Variants in PPM1E observed in about 807,000 individuals in gnomAD.
PPM1E encodes the protein protein phosphatase, Mg2+/Mn2+ dependent 1E, also known as protein phosphatase 1E.
PPM1E carries 20 observed loss-of-function variants against 65.9 expected under a neutral mutation model. The observed-to-expected ratio is 0.30, with a 90% CI of 0.21 to 0.44. PPM1E has a LOEUF of 0.44. Among genes scored for constraint, PPM1E ranks in the 20% least tolerant of loss-of-function variants. The pLI, the probability that PPM1E is intolerant of heterozygous loss-of-function variation, is 1.00. For missense variants in PPM1E, 713 were observed against 953.1 expected, an observed-to-expected ratio of 0.75 and a Z score of 3.32; for synonymous variants, 352 against 374.9, an observed-to-expected ratio of 0.94 and a Z score of 0.70.
At chr17:58,765,204 G>A (rs1331454146) in intron 1 of PPM1E, among the ~76,000 whole-genome samples, 2 of 147,070 alleles carry the variant, frequency 1.4e-5, no homozygotes, top group Non-Finnish European at 3.0e-5. Context: ...TTTGAGACAG[G>A]GTCTCGCTCT....
At chr17:58,888,362 C>CTTTTTTT (rs71367642) in intron 1 of PPM1E, among the ~76,000 whole-genome samples, 8 of 104,484 alleles carry the variant, frequency 7.7e-5, no homozygotes, top group Non-Finnish European at 9.3e-5. Flanking sequence ...ACTCTTCTCT[C>CTTTTTTT]TTTTTTTTTT....
intron 1 of PPM1E, among the ~76,000 whole-genome samples, chr17:58,864,677 C>A (rs1025225553): frequency 2.0e-5 from 3 of 151,526 alleles, no homozygotes; most frequent in Non-Finnish European, 4.4e-5. Context: ...GTGGCTCACG[C>A]CTGTAATCCC....
At chr17:58,919,308 TAC>T (rs1457208435) in intron 1 of PPM1E, among the ~76,000 whole-genome samples, 1 of 152,148 alleles carries the variant, frequency 6.6e-6, no homozygotes, top group Non-Finnish European at 1.5e-5. Flanking sequence ...AGGGAAAATA[TAC>T]AGTCATTGAA....
At chr17:58,957,986 T>C (rs1479935860) in intron 2 of PPM1E, among the ~76,000 whole-genome samples, 6 of 151,880 alleles carry the variant, frequency 4.0e-5, no homozygotes, top group Non-Finnish European at 8.8e-5. Flanking sequence ...CTACAAAAAA[T>C]TTAAAAATTA....
At chr17:58,833,369 AAC>A (rs2050623382) in intron 1 of PPM1E, among the ~76,000 whole-genome samples, 1 of 149,618 alleles carries the variant, frequency 6.7e-6, no homozygotes, top group South Asian at 2.2e-4. Context: ...GTAGTTTTTC[AAC>A]AGTTACCTCA....
chr17:58,786,497 C>T (rs1056420241), intron 1 of PPM1E, among the ~76,000 whole-genome samples: 2 of 152,186 alleles, frequency 1.3e-5, no homozygotes, highest in Admixed American at 6.5e-5. Flanking sequence ...TTACTAACAG[C>T]TGGTAGCATG....
intron 1 of PPM1E, among the ~76,000 whole-genome samples, chr17:58,915,084 G>A (rs1185805912): frequency 6.6e-6 from 1 of 152,072 alleles, no homozygotes; most frequent in East Asian, 1.9e-4. Context: ...CCCAAGAGAG[G>A]GTTCTTGGAT....
intron 1 of PPM1E, among the ~76,000 whole-genome samples, chr17:58,835,733 G>A (rs1057210415): frequency 1.3e-5 from 2 of 151,770 alleles, no homozygotes; most frequent in Admixed American, 6.6e-5. Context: ...GCCGTGCATG[G>A]TGGTGCATGC....
chr17:58,873,761 A>ATT (rs1205169911), intron 1 of PPM1E, among the ~76,000 whole-genome samples: 14 of 136,788 alleles, frequency 1.0e-4, no homozygotes, highest in African/African-American at 3.0e-4. Context: ...TGCCCAGCTA[A>ATT]TTTTTTTTTT....
At chr17:58,849,578 G>A (rs1445527830) in intron 1 of PPM1E, among the ~76,000 whole-genome samples, 11 of 152,150 alleles carry the variant, frequency 7.2e-5, no homozygotes, top group African/African-American at 1.7e-4. Flanking sequence ...GTAGTTGAGC[G>A]GTTTTCAGTG....
intron 1 of PPM1E, among the ~76,000 whole-genome samples, chr17:58,805,195 AGATTTTGG>A (rs892327585): frequency 6.6e-5 from 10 of 152,098 alleles, no homozygotes; most frequent in Admixed American, 5.2e-4. Flanking sequence ...GTGATTTCTG[AGATTTTGG>A]TGCACCAGTC....
At chr17:58,836,486 C>T (rs1022115377) in intron 1 of PPM1E, among the ~76,000 whole-genome samples, 23 of 149,332 alleles carry the variant, frequency 1.5e-4, no homozygotes, top group African/African-American at 4.7e-4. Context: ...TTTCTTGAGA[C>T]GGAGTCTTGC....
chr17:58,844,086 T>C (rs1292110126), intron 1 of PPM1E, among the ~76,000 whole-genome samples: 1 of 152,168 alleles, frequency 6.6e-6, no homozygotes, highest in African/African-American at 2.4e-5. Context: ...AGAATTATAG[T>C]ACTATTTTTT....
At chr17:58,849,180 G>T (rs1461503317) in intron 1 of PPM1E, among the ~76,000 whole-genome samples, 1 of 151,678 alleles carries the variant, frequency 6.6e-6, no homozygotes, top group East Asian at 1.9e-4. Flanking sequence ...CATTAGTCTT[G>T]CTAGCAGTCT....
intron 1 of PPM1E, among the ~76,000 whole-genome samples, chr17:58,865,316 G>A (rs1208944026): frequency 1.3e-5 from 2 of 152,118 alleles, no homozygotes; most frequent in Non-Finnish European, 2.9e-5. Flanking sequence ...GAACCAGGGA[G>A]GCGGAGGTTG....
At chr17:58,889,061 T>C (rs542490088) in intron 1 of PPM1E, among the ~76,000 whole-genome samples, 1 of 152,324 alleles carries the variant, frequency 6.6e-6, no homozygotes, top group African/African-American at 2.4e-5. Flanking sequence ...TTAGAATCAT[T>C]ATAACAGGAA....
intron 1 of PPM1E, among the ~76,000 whole-genome samples, chr17:58,900,922 A>T (rs2051491194): frequency 6.6e-6 from 1 of 152,224 alleles, no homozygotes; most frequent in Admixed American, 6.5e-5. Flanking sequence ...CACAATATAA[A>T]TATAAATATG....
At chr17:58,781,840 C>A (rs896816458) in intron 1 of PPM1E, among the ~76,000 whole-genome samples, 12 of 151,798 alleles carry the variant, frequency 7.9e-5, no homozygotes, top group African/African-American at 2.9e-4. Context: ...GAGCCAAGAT[C>A]ACGCCTGTGC....
At chr17:58,936,914 T>C (rs2051988860) in intron 1 of PPM1E, among the ~76,000 whole-genome samples, 1 of 152,176 alleles carries the variant, frequency 6.6e-6, no homozygotes, top group African/African-American at 2.4e-5. Flanking sequence ...GCTTTCATAT[T>C]CAATCCAATC....
Sources: allele counts gnomAD v4.1 joint callset (sites outside exome capture counted in the v4.1 genomes callset), GRCh38; gene constraint gnomAD v4.1.1; transcripts MANE v1.5; gene names NCBI Gene and HGNC (gene_info 2026-07-23, HGNC 2026-07-21).